The following SCARF2 variants were observed in gnomAD, a reference collection of about 807,000 sequenced individuals.
SCARF2 encodes the protein scavenger receptor class F member 2, also known as scavenger receptor expressed by endothelial cells 2 protein.
In SCARF2, 39 loss-of-function variants were observed where a neutral mutation model predicts 73.4. That is an observed-to-expected ratio of 0.53 (90% CI 0.41 to 0.69). The LOEUF is 0.69. Ranked by LOEUF, SCARF2 falls within the 30% of genes least tolerant of loss-of-function variation. The pLI, the probability that SCARF2 is intolerant of heterozygous loss-of-function variation, is 0.00. For missense variants in SCARF2, 1,148 were observed against 1,303.5 expected (o/e 0.88, Z 1.84); for synonymous variants, 605 against 590.0 (o/e 1.03, Z -0.37).
intron 9 of SCARF2, among the ~76,000 whole-genome samples, chr22:20,428,790 T>C (rs2052608835): frequency 6.6e-6 from 1 of 152,118 alleles, no homozygotes. Flanking sequence ...CTGCCCACTT[T>C]CCAGGAGGAT....
rs768037754 is a variant in SCARF2, at chr22:20,432,004, G to C, written c.174-16C>G. On this transcript the variant is annotated splice_polypyrimidine_tract_variant and intron_variant, in intron 1 of 10. Coordinates refer to ENST00000622235, the MANE Select transcript of SCARF2 (RefSeq NM_182895.5). ...CACCTGGGAGCTGCGAGCAGAGGGA[G>C]GACATCTAAGCCCGATGCCCCTCCC... 1.9e-6 allele frequency: 3 copies of C among 1,605,438 alleles called. No homozygotes were observed. The highest frequency in any genetic ancestry group is 2.5e-6 in the Non-Finnish European group (3 of 1,177,428).
In SCARF2 at chr22:20,430,914, G is replaced by A; in HGVS notation, c.855-6C>T. On this transcript the variant is annotated splice_polypyrimidine_tract_variant and splice_region_variant and intron_variant, in intron 4 of 10. Transcript: ENST00000622235. ...GGCCCTTGCACTGGCCACACCTGGG[G>A]GAGGGGTCGGAGGCTAGGGAAGGCT... 1 of 1,584,094 alleles carries A rather than the reference G, an allele frequency of 6.3e-7. No homozygotes were observed. Among genetic ancestry groups the A allele is most frequent in the South Asian group, 1.1e-5 (1 of 89,076 alleles).
intron 9 of SCARF2, among the ~76,000 whole-genome samples, chr22:20,428,237 T>TCCCG (rs2146124452): frequency 9.8e-6 from 1 of 101,934 alleles, no homozygotes; most frequent in South Asian, 3.5e-4. Flanking sequence ...CCTCCCTCCC[T>TCCCG]TCCTTCTCTT....
chr22:20,434,340 A>G (rs1166494468), intron 1 of SCARF2, among the ~76,000 whole-genome samples: 2 of 152,172 alleles, frequency 1.3e-5, no homozygotes, highest in African/African-American at 4.8e-5. Flanking sequence ...GAGAAAGACG[A>G]CAGAGAGAAA....
At chr22:20,427,815 G>A (rs2241231) in intron 9 of SCARF2, among the ~76,000 whole-genome samples, 1 of 152,208 alleles carries the variant, frequency 6.6e-6, no homozygotes, top group Non-Finnish European at 1.5e-5. Flanking sequence ...AAAAGGTTGG[G>A]CTGACGTGTT....
Position 20,425,261 on chromosome 22 carries a change from G to T in SCARF2, c.*114C>A. The T allele has an allele frequency of 1.1e-6, 1 of 909,984 alleles. No individual in the cohort carries two copies. Among genetic ancestry groups the T allele is most frequent in the Non-Finnish European group, 1.5e-6 (1 of 675,672 alleles). The allele number at this position is 909,984 out of a possible 1,614,324, so 56.4% of individuals were successfully genotyped here. A position where few individuals can be genotyped will look rare whatever the true frequency, so the allele number is the denominator to read the frequency against. ...AGCCAATGAGACGCAACCTCCGCTA[G>T]CCGCGCGGTGCCCGGCCAATAGGAG... is the stretch of plus-strand genomic sequence containing the variant. On this transcript the variant is annotated 3_prime_UTR_variant, in exon 11 of 11. Transcript: ENST00000622235. This position sits in a 1 kb window ranked among gnomAD's most constrained non-coding sequence, Gnocchi z 4.6.
At position 20,427,797 on chromosome 22, in the gene SCARF2, G is replaced by A. The variant is rs75119577; in HGVS notation, c.1541-247C>T. Among the ~76,000 whole-genome samples the A allele has an allele frequency of 8.0e-3, 1,226 of 152,350 alleles. 6 individuals carry two copies. The highest frequency in any genetic ancestry group is 0.013 in the Non-Finnish European group (917 of 68,036). ...GTGCAAGGCAAGTGTGTGCATCCAGGGAGCTGGAAAAGGTTGGGCTGACGT... is the reference window on the plus strand; with the variant it reads ...GTGCAAGGCAAGTGTGTGCATCCAGAGAGCTGGAAAAGGTTGGGCTGACGT... On this transcript the variant is annotated intron_variant, in intron 9 of 10. Coordinates refer to ENST00000622235, the MANE Select transcript of SCARF2 (RefSeq NM_182895.5).
chr22:20,437,422 C>T (rs906840245), intron 1 of SCARF2, among the ~76,000 whole-genome samples, 160 bp downstream of exon 1: 1 of 152,206 alleles, frequency 6.6e-6, no homozygotes, highest in African/African-American at 2.4e-5. Context: ...TGGCCCATGG[C>T]CGAGGCTGGG....
At chr22:20,426,402 G>A in intron 10 of SCARF2, 120 bp from the exon 11 acceptor site, 1 of 1,095,478 alleles carries the variant, frequency 9.1e-7, no homozygotes, top group Non-Finnish European at 1.3e-6. Context: ...TGTCACCCTG[G>A]CATCTAGACG....
intron 9 of SCARF2, among the ~76,000 whole-genome samples, chr22:20,427,974 G>C (rs947446942): frequency 7.9e-5 from 12 of 152,188 alleles, no homozygotes; most frequent in Non-Finnish European, 1.8e-4. Context: ...CAGTGGCAGG[G>C]CTGCCCTTTG....
chr22:20,426,273 G>A lies in SCARF2; in HGVS notation c.1703C>T (p.Ala568Val), dbSNP rs765096717. 122 of 1,533,972 alleles carry A rather than the reference G, an allele frequency of 8.0e-5. No individual in the cohort carries two copies. The highest frequency in any genetic ancestry group is 9.4e-5 in the Non-Finnish European group (108 of 1,146,652). The stretch of plus-strand genomic sequence containing the variant: ...GGGGACTTCGGGGTCCCGGCTCTCC[G>A]CTGGTGCCTCTGGCAAGGGAAGAGC... Reference protein sequence around the residue: ...VYCVPHEEAPAESRDPEVPTV... With the variant: ...VYCVPHEEAPVESRDPEVPTV... Residue 568 changes from alanine (A) to valine (V), a missense_variant, in exon 11 of 11, where the codon GCG becomes GTG. Physicochemically the swap from Ala to Val is moderately conservative, Grantham distance 64 (BLOSUM62 0). Around this residue, in one of 5 missense-constraint regions of SCARF2, gnomAD observed 437 missense variants for 433.6 expected, o/e 1.01. Transcript: ENST00000622235.
Position 20,429,416 on chromosome 22 carries a change from A to G in SCARF2, c.1425-76T>C, listed in dbSNP as rs1192752731. ...GGCGATTAGATCTCGGCCGGAGCCA[A>G]GCACAGAAGGGGCGGGGCCACGTCC... On this transcript the variant is annotated intron_variant, in intron 8 of 10. Transcript: ENST00000622235. This position sits in a 1 kb window ranked among gnomAD's most constrained non-coding sequence, Gnocchi z 5.2. The G allele has an allele frequency of 1.9e-6, 3 of 1,556,968 alleles. No homozygotes were observed. Among genetic ancestry groups the G allele is most frequent in the Admixed American group, 1.9e-5 (1 of 53,054 alleles).
intron 1 of SCARF2, among the ~76,000 whole-genome samples, chr22:20,437,361 A>C (rs983850799): frequency 9.2e-5 from 14 of 152,222 alleles, no homozygotes; most frequent in African/African-American, 3.4e-4. Context: ...ACGGCACTCC[A>C]TCCTCCCCTC....
chr22:20,431,643 ACCCGCCCCGAAGGCGGATCCGAC>A (rs2052649395), intron 3 of SCARF2, 79 bp downstream of exon 3: 7 of 1,538,766 alleles, frequency 4.5e-6, no homozygotes, highest in Middle Eastern at 2.3e-4. Context: ...ACCTCTGGGG[ACCCGCCCCGAAGGCGGATCCGAC>A]CCCGCCCCAC....
In SCARF2 at chr22:20,425,895, G is replaced by A. The variant is rs1485880557; in HGVS notation, c.2081C>T (p.Pro694Leu). The change falls in exon 11 of 11, where the codon CCC becomes CTC. Residue 694 changes from proline (P) to leucine (L), a missense_variant. Physicochemically the swap from Pro to Leu is moderately conservative, Grantham distance 98 (BLOSUM62 -3). Around this residue, in one of 5 missense-constraint regions of SCARF2, gnomAD observed 437 missense variants for 433.6 expected, o/e 1.01. Transcript: ENST00000622235. This position sits in a 1 kb window ranked among gnomAD's most constrained non-coding sequence, Gnocchi z 4.6. The stretch of plus-strand genomic sequence containing the variant: ...GCTGGGCGTCCGTTTCCTCTTGCTG[G>A]GGCTGGGCGCGGCCTCGGAGCCTGG... ...PPPGSEAAPSPSKRKRTPSDK... is the reference protein window; with the variant it reads ...PPPGSEAAPSLSKRKRTPSDK... The A allele has an allele frequency of 6.3e-7, 1 of 1,598,520 alleles. No homozygotes were observed. Among genetic ancestry groups the A allele is most frequent in the African/African-American group, 1.4e-5 (1 of 73,012 alleles).
chr22:20,431,303 G>A lies in SCARF2; in HGVS notation c.569C>T (p.Thr190Met). The A allele has an allele frequency of 6.6e-7, 1 of 1,522,010 alleles. No individual in the cohort carries two copies. Among genetic ancestry groups the A allele is most frequent in the Non-Finnish European group, 8.8e-7 (1 of 1,141,982 alleles). The allele number at this position is 1,522,010 out of a possible 1,614,324, so 94.3% of individuals were successfully genotyped here. A position where few individuals can be genotyped will look rare whatever the true frequency, so the allele number is the denominator to read the frequency against. The change falls in exon 4 of 11, where the codon ACG becomes ATG. Residue 190 changes from threonine (T) to methionine (M), a missense_variant. Thr to Met is a moderately conservative substitution (Grantham distance 81, BLOSUM62 -1). Coordinates refer to ENST00000622235, the MANE Select transcript of SCARF2 (RefSeq NM_182895.5). ...GCCGGTCTGTGGGTCGCAGCGCGAC[G>A]TGGCGCTGCAGTAGCACGCGCTGGC... ...QCASACYCSATSRCDPQTGAC... is the reference protein window; with the variant it reads ...QCASACYCSAMSRCDPQTGAC...
chr22:20,430,736 C>G lies in SCARF2; in HGVS notation c.1027G>C (p.Val343Leu). 1 of 1,607,704 alleles carries G rather than the reference C, an allele frequency of 6.2e-7. No homozygotes were observed. Among genetic ancestry groups the G allele is most frequent in the Non-Finnish European group, 8.5e-7 (1 of 1,177,606 alleles). ...TTGCAGCGCGTACACTTGCCGGTGA[C>G]ATGGTTACAGGCATGCCCGTCGCGG... ...PCRDGHACNH[V>L]TGKCTRCNAG... The change falls in exon 5 of 11, where the codon GTC becomes CTC. Residue 343 changes from valine to leucine, a missense_variant. Physicochemically the swap from Val to Leu is conservative, Grantham distance 32. Coordinates refer to ENST00000622235, the MANE Select transcript of SCARF2 (RefSeq NM_182895.5).
At chr22:20,435,542 C>T (rs1236667829) in intron 1 of SCARF2, among the ~76,000 whole-genome samples, 1 of 152,218 alleles carries the variant, frequency 6.6e-6, no homozygotes, top group Non-Finnish European at 1.5e-5. Flanking sequence ...CCCACCCTCA[C>T]TCTCTGGCAG....
rs909998969 is a variant in SCARF2, at chr22:20,432,108, G to T, written c.174-120C>A. The T allele has an allele frequency of 4.7e-6, 5 of 1,055,858 alleles. No individual in the cohort carries two copies. In the Admixed American group the frequency reaches 8.0e-5, roughly 17 times the overall value. 65.4% of individuals were successfully genotyped at this position (1,055,858 alleles called of 1,614,324 possible). Reference sequence around the variant, plus strand: ...TCTGCAGTTGCGCTCCTGTCCTAGGGGGGTGGTTAATGAGGTCCTGCCAGG... The same window carrying T: ...TCTGCAGTTGCGCTCCTGTCCTAGGTGGGTGGTTAATGAGGTCCTGCCAGG... On this transcript the variant is annotated intron_variant, in intron 1 of 10. Transcript: ENST00000622235.
Sources: gnomAD v4.1 joint callset for allele counts (sites outside exome capture counted in the v4.1 genomes callset) on GRCh38, gnomAD v4.1.1 for gene constraint, gnomAD v4.1.1 regional missense constraint, Gnocchi (gnomAD v3.1) non-coding constraint, MANE v1.5 for transcripts, NCBI Gene and HGNC (gene_info 2026-07-23, HGNC 2026-07-21) for gene names.